LIPG: variants seen among roughly 807,000 people sequenced by gnomAD.
The protein encoded by LIPG is endothelial lipase.
LIPG carries 34 observed loss-of-function variants against 51.8 expected under a neutral mutation model. The ratio of observed to expected loss-of-function variants is 0.66; its 90% CI spans 0.50 to 0.87. LIPG has a LOEUF of 0.87. Among genes scored for constraint, LIPG ranks in the 40% least tolerant of loss-of-function variants. The pLI, the probability that LIPG is intolerant of heterozygous loss-of-function variation, is 0.00. For missense variants in LIPG, 580 were observed against 652.7 expected (o/e 0.89, Z 1.21); for synonymous variants, 246 against 246.1 (o/e 1.00, Z 0.00).
chr18:49,586,255 A>C (rs980879978), intron 8 of LIPG, among the ~76,000 whole-genome samples: 67 of 152,370 alleles, frequency 4.4e-4, no homozygotes, highest in African/African-American at 1.6e-3. Flanking sequence ...CACTCCGTTC[A>C]AGTTTACGGA....
intron 7 of LIPG, 147 bp downstream of exon 7, chr18:49,582,629 C>T: frequency 3.1e-6 from 3 of 958,188 alleles, no homozygotes; most frequent in Non-Finnish European, 4.9e-6. Flanking sequence ...TCTAGCTGGC[C>T]TCTGCAGTCC....
At chr18:49,561,509 C>T (rs865782742), upstream of LIPG, 22 of 431,432 alleles carry the variant, frequency 5.1e-5, no homozygotes, top group South Asian at 1.3e-4. Flanking sequence ...CCCCTTAGCT[C>T]CGCCGGGTTA....
At chr18:49,582,511 C>T (rs1568535164) in intron 7 of LIPG, 29 bp downstream of exon 7, 7 of 1,614,022 alleles carry the variant, frequency 4.3e-6, no homozygotes, top group Middle Eastern at 3.3e-4. Context: ...TTGCTGGGTT[C>T]GGGACAGAGA....
chr18:49,588,932 T>A (rs2084913024), intron 9 of LIPG, among the ~76,000 whole-genome samples: 1 of 152,132 alleles, frequency 6.6e-6, no homozygotes, highest in Admixed American at 6.5e-5. Context: ...GGGACTTACA[T>A]AATGATGTTT....
chr18:49,572,853 A>C (rs1261308403), intron 4 of LIPG, among the ~76,000 whole-genome samples: 1 of 152,230 alleles, frequency 6.6e-6, no homozygotes, highest in Non-Finnish European at 1.5e-5. Context: ...TTGCTGGACA[A>C]AGCAACTTTG....
In LIPG at chr18:49,586,820, G is replaced by A. The variant is rs756501637; in HGVS notation, c.1451G>A (p.Arg484Gln). Residue 484 changes from arginine (R) to glutamine (Q), a missense_variant, in exon 9 of 10, where the codon CGG (arginine) becomes CAG (glutamine). By Grantham distance (43) the Arg-to-Gln change is conservative. Coordinates refer to ENST00000261292, the MANE Select transcript of LIPG (RefSeq NM_006033.4). The part of the protein sequence containing the change: ...PGRELWFRKC[R>Q]DGWRMKNETS... ...CGGGAGCTCTGGTTTCGCAAGTGTCGGGATGGCTGGAGGATGAAAAACGAA... is the reference window on the plus strand; with the variant it reads ...CGGGAGCTCTGGTTTCGCAAGTGTCAGGATGGCTGGAGGATGAAAAACGAA... The A allele has an allele frequency of 2.4e-5, 38 of 1,614,032 alleles. No individual in the cohort carries two copies. The highest frequency in any genetic ancestry group is 1.5e-4 in the Admixed American group (9 of 60,014).
At chr18:49,569,582 C>T in intron 4 of LIPG, 34 bp downstream of exon 4, 1 of 1,527,436 alleles carries the variant, frequency 6.5e-7, no homozygotes, top group Non-Finnish European at 9.1e-7. Context: ...AGGGCTCCCT[C>T]AGCTGCGCTA....
chr18:49,584,775 A>G (rs2143972990), intron 8 of LIPG, among the ~76,000 whole-genome samples: 1 of 152,370 alleles, frequency 6.6e-6, no homozygotes, highest in East Asian at 1.9e-4. Flanking sequence ...GGGCCCTTGC[A>G]GGTACAAACT....
chr18:49,569,398 C>A, intron 3 of LIPG, 39 bp from the exon 4 acceptor site: 1 of 1,556,274 alleles, frequency 6.4e-7, no homozygotes, highest in Non-Finnish European at 8.9e-7. Flanking sequence ...GGCTCTGGAC[C>A]CTGCTCTTCT....
chr18:49,584,921 A>T (rs1424595306), intron 8 of LIPG, among the ~76,000 whole-genome samples: 2 of 152,254 alleles, frequency 1.3e-5, no homozygotes, highest in African/African-American at 4.8e-5. Flanking sequence ...TCAGATTTTT[A>T]AAAAGTAAAA....
At chr18:49,583,491 C>A in intron 7 of LIPG, 65 bp from the exon 8 acceptor site, 2 of 1,356,008 alleles carry the variant, frequency 1.5e-6, no homozygotes, top group South Asian at 1.2e-5. Flanking sequence ...CACTGTGTCA[C>A]CCCACACAGT....
In LIPG at chr18:49,579,244, C is replaced by T. The variant is rs186165886; in HGVS notation, c.794-2171C>T. ...GGAGAGGGAGAGGGAGAGGGCTCAC[C>T]GGATACACTCTATTTTAATTTTTGG... On this transcript the variant is annotated intron_variant, in intron 5 of 9. Coordinates refer to ENST00000261292, the MANE Select transcript of LIPG (RefSeq NM_006033.4). Among the ~76,000 whole-genome samples, 739 of 128,676 alleles carry T rather than the reference C, an allele frequency of 5.7e-3. 11 individuals carry two copies. The highest frequency in any genetic ancestry group is 9.0e-3 in the Non-Finnish European group (547 of 60,714). The allele number at this position is 128,676 out of a possible 152,430, so 84.4% of individuals were successfully genotyped here.
At chr18:49,561,708 G>T, upstream of LIPG, 1 of 1,243,802 alleles carries the variant, frequency 8.0e-7, no homozygotes, top group Non-Finnish European at 1.0e-6. Context: ...TCCAGGGATC[G>T]CCTCCCCAGC....
At chr18:49,565,173 G>A in intron 1 of LIPG, 144 bp from the exon 2 acceptor site, 1 of 730,254 alleles carries the variant, frequency 1.4e-6, no homozygotes, top group Non-Finnish European at 2.4e-6. Flanking sequence ...TTTTCTGGGA[G>A]GTGAAAAGGG....
In LIPG at chr18:49,583,583, C is replaced by A. The variant is rs1196482507; in HGVS notation, c.1185C>A (p.Thr395=). ...EIVERIEQNA[T]NTFLVYTEED... ...TGGAGCGGATCGAGCAGAATGCCAC[C>A]AACACCTTCCTGGTCTACACCGAGG... Residue 395 remains threonine (T), a synonymous_variant, in exon 8 of 10, where the codon ACC becomes ACA. Transcript: ENST00000261292. 1 of 1,613,968 alleles carries A rather than the reference C, an allele frequency of 6.2e-7. No individual in the cohort carries two copies. Among genetic ancestry groups the A allele is most frequent in the Non-Finnish European group, 8.5e-7 (1 of 1,180,030 alleles).
upstream of LIPG, chr18:49,561,616 C>T (rs1366276763): frequency 8.6e-7 from 1 of 1,165,756 alleles, no homozygotes; most frequent in Non-Finnish European, 1.1e-6. Flanking sequence ...GGCTCTCCCC[C>T]GACGGACTCC....
chr18:49,581,389 A>C lies in LIPG; in HGVS notation c.794-26A>C, dbSNP rs369674620. On this transcript the variant is annotated intron_variant, in intron 5 of 9. Transcript: ENST00000261292. ...AATCATCAAGAAGGGCTCATCCTGC[A>C]TGCTTTTTATCTCTCCCACCCCCAG... The C allele has an allele frequency of 4.3e-6, 7 of 1,614,062 alleles. No homozygotes were observed. In the African/African-American group the frequency reaches 6.7e-5, roughly 15 times the overall value.
chr18:49,565,620 T>G, intron 2 of LIPG, 122 bp downstream of exon 2: 1 of 1,116,486 alleles, frequency 9.0e-7, no homozygotes, highest in Non-Finnish European at 1.3e-6. Flanking sequence ...CCTTGTGGGC[T>G]GCTTGTATTT....
chr18:49,575,311 A>T, intron 4 of LIPG, 58 bp from the exon 5 acceptor site: 1 of 1,358,740 alleles, frequency 7.4e-7, no homozygotes, highest in Non-Finnish European at 1.0e-6. Context: ...TGTAATCAGG[A>T]CTCACTGACC....
Sources: allele counts gnomAD v4.1 joint callset (sites outside exome capture counted in the v4.1 genomes callset), GRCh38; gene constraint gnomAD v4.1.1; transcripts MANE v1.5; gene names NCBI Gene and HGNC (gene_info 2026-07-23, HGNC 2026-07-21).